Variants in TMC2 observed in about 807,000 individuals in gnomAD.
TMC2 encodes transmembrane channel like 2.
Under a neutral mutation model 105.9 loss-of-function variants are expected in TMC2, and 102 were observed. That is an observed-to-expected ratio of 0.96 (90% confidence interval 0.82 to 1.14). The LOEUF is 1.14. Ranked by LOEUF, TMC2 falls within the 50% of genes most tolerant of loss-of-function variation. The probability of loss-of-function intolerance (pLI) is 0.00; values close to 1 mark genes in which losing one functional copy is unlikely to be tolerated. For missense variants in TMC2, 1,093 were observed against 1,134.3 expected (o/e 0.96, Z 0.52); for synonymous variants, 402 against 422.8 (o/e 0.95, Z 0.60).
chr20:2,550,551 C>G (rs1037880772), intron 2 of TMC2, among the ~76,000 whole-genome samples: 1 of 152,232 alleles, frequency 6.6e-6, no homozygotes, highest in East Asian at 1.9e-4. Flanking sequence ...TAGGTTTTGA[C>G]AAATGCATAA....
At chr20:2,572,097 CAT>C (rs2086107417) in intron 4 of TMC2, 80 bp from the exon 5 acceptor site, 1 of 1,019,558 alleles carries the variant, frequency 9.8e-7, no homozygotes. Flanking sequence ...AGCCTTCACA[CAT>C]GTGTTTGAGG....
chr20:2,629,161 T>C (rs2086585563), intron 17 of TMC2, among the ~76,000 whole-genome samples: 1 of 152,208 alleles, frequency 6.6e-6, no homozygotes, highest in African/African-American at 2.4e-5. Flanking sequence ...TCATATTTAC[T>C]CAACCAAAGT....
At chr20:2,537,962 C>T (rs908318554) in intron 2 of TMC2, among the ~76,000 whole-genome samples, 8 of 152,134 alleles carry the variant, frequency 5.3e-5, no homozygotes, top group South Asian at 2.1e-4. Flanking sequence ...CTGGGTCCTG[C>T]GCCCCACACT....
In TMC2 at chr20:2,624,311, G is replaced by GA; in HGVS notation, c.2225dup (p.Asn742LysfsTer45). 1 of 1,614,154 alleles carries GA rather than the reference G, an allele frequency of 6.2e-7. No homozygotes were observed. Among genetic ancestry groups the GA allele is most frequent in the Non-Finnish European group, 8.5e-7 (1 of 1,180,010 alleles). Reference sequence around the variant, plus strand: ...GTACGATGTCCTCCAAGAGACCATTGAAAACGATTTCCCAACCTTCCTGGG... The same window carrying GA: ...GTACGATGTCCTCCAAGAGACCATTGAAAAACGATTTCCCAACCTTCCTGGG... On this transcript the variant is annotated frameshift_variant, in exon 17 of 20. Coordinates refer to ENST00000358864, the MANE Select transcript of TMC2 (RefSeq NM_080751.3). LOFTEE classifies it high-confidence loss of function.
At chr20:2,577,117 A>T (rs1385752843) in intron 5 of TMC2, among the ~76,000 whole-genome samples, 1 of 151,764 alleles carries the variant, frequency 6.6e-6, no homozygotes, top group Non-Finnish European at 1.5e-5. Flanking sequence ...CATGTTGGCC[A>T]GGCTGGTCTT....
chr20:2,558,725 A>G lies in TMC2; in HGVS notation c.352A>G (p.Lys118Glu). Residue 118 changes from lysine to glutamate, a missense_variant, in exon 3 of 20, where the codon AAG becomes GAG. Transcript: ENST00000358864. The surrounding 1 kb of genome is among the most constrained non-coding windows in gnomAD (Gnocchi z 4.6). ...GCGGACAGCAGCCCCAAAGAGGGAA[A>G]AGGAGATTCCGAGGAGGGAGGAGAA... ...QERTAAPKRE[K>E]EIPRREEKSK... The G allele has an allele frequency of 6.3e-7, 1 of 1,590,170 alleles. No individual in the cohort carries two copies. The highest frequency in any genetic ancestry group is 8.6e-7 in the Non-Finnish European group (1 of 1,168,646).
At chr20:2,603,334 T>C (rs940416280) in intron 11 of TMC2, among the ~76,000 whole-genome samples, 1 of 152,052 alleles carries the variant, frequency 6.6e-6, no homozygotes, top group Non-Finnish European at 1.5e-5. Context: ...ACAGCCTATC[T>C]TCCCCCAACA....
At position 2,616,103 on chromosome 20, in the gene TMC2, C is replaced by CTG. The variant is rs2086478991; in HGVS notation, c.1873-33_1873-32insGT. 1.1e-6 allele frequency: 1 copy of CTG among 922,524 alleles called. No individual in the cohort carries two copies. The highest frequency in any genetic ancestry group is 1.5e-6 in the Non-Finnish European group (1 of 653,578). The allele number at this position is 922,524 out of a possible 1,614,324, so 57.1% of individuals were successfully genotyped here. ...ATTCACCAAACGTGCTTTTTTTTTT[C>CTG]TCTCTCTCTCTCGCTCCCTCCCTCC... On this transcript the variant is annotated intron_variant, in intron 14 of 19. Transcript: ENST00000358864. This position sits in a 1 kb window ranked among gnomAD's most constrained non-coding sequence, Gnocchi z 4.8.
At chr20:2,571,958 G>T (rs912502157) in intron 4 of TMC2, among the ~76,000 whole-genome samples, 2 of 152,250 alleles carry the variant, frequency 1.3e-5, no homozygotes, top group African/African-American at 4.8e-5. Context: ...AGGGGCCACA[G>T]TTCTGCCTAC....
At chr20:2,636,492 ACG>A (rs1491368328) in intron 18 of TMC2, among the ~76,000 whole-genome samples, 3 of 148,086 alleles carry the variant, frequency 2.0e-5, no homozygotes, top group Non-Finnish European at 4.5e-5. Flanking sequence ...ACACACACAC[ACG>A]CACACACCCT....
intron 12 of TMC2, among the ~76,000 whole-genome samples, chr20:2,610,821 T>G (rs2086432498): frequency 6.6e-6 from 1 of 152,212 alleles, no homozygotes; most frequent in Non-Finnish European, 1.5e-5. Context: ...TTGTCTTTTT[T>G]CACATCATAT....
Position 2,558,321 on chromosome 20 carries a change from G to T in TMC2, c.83-135G>T, listed in dbSNP as rs188202730. 2,292 of 1,459,694 alleles carry T rather than the reference G, an allele frequency of 1.6e-3. 15 individuals are homozygous for T. Among genetic ancestry groups the T allele is most frequent in the Middle Eastern group, 0.012 (47 of 3,948 alleles). 90.4% of individuals were successfully genotyped at this position (1,459,694 alleles called of 1,614,324 possible). A position where few individuals can be genotyped will look rare whatever the true frequency, so the allele number is the denominator to read the frequency against. The stretch of plus-strand genomic sequence containing the variant: ...AACATGCCAAGGTGCCATACTTTGG[G>T]GTGTCCTGTTCTGAGCCCCGCAGAG... On this transcript the variant is annotated intron_variant, in intron 2 of 19. Transcript: ENST00000358864. This position sits in a 1 kb window ranked among gnomAD's most constrained non-coding sequence, Gnocchi z 4.6.
In TMC2 at chr20:2,616,107, C is replaced by G. The variant is rs746441299; in HGVS notation, c.1873-30C>G. Reference sequence around the variant, plus strand: ...ACCAAACGTGCTTTTTTTTTTCTCTCTCTCTCTCGCTCCCTCCCTCCCTCT... The same window carrying G: ...ACCAAACGTGCTTTTTTTTTTCTCTGTCTCTCTCGCTCCCTCCCTCCCTCT... On this transcript the variant is annotated intron_variant, in intron 14 of 19. Coordinates refer to ENST00000358864, the MANE Select transcript of TMC2 (RefSeq NM_080751.3). This position sits in a 1 kb window ranked among gnomAD's most constrained non-coding sequence, Gnocchi z 4.8. 8 of 1,566,638 alleles carry G rather than the reference C, an allele frequency of 5.1e-6. No homozygotes were observed. The highest frequency in any genetic ancestry group is 1.1e-5 in the South Asian group (1 of 88,098).
intron 4 of TMC2, 145 bp downstream of exon 4, chr20:2,562,155 G>A (rs2086031522): frequency 9.5e-7 from 1 of 1,048,354 alleles, no homozygotes; most frequent in Non-Finnish European, 1.3e-6. Flanking sequence ...AGCCCCATGA[G>A]AGCCAAGGCG....
chr20:2,624,144 G>T (rs2086546975), intron 16 of TMC2, 127 bp from the exon 17 acceptor site: 2 of 1,073,692 alleles, frequency 1.9e-6, no homozygotes, highest in Non-Finnish European at 2.7e-6. Context: ...TTGGAGCAGA[G>T]CTCTGGTTCT....
chr20:2,589,370 AG>A (rs2086253684), intron 7 of TMC2, among the ~76,000 whole-genome samples: 1 of 144,998 alleles, frequency 6.9e-6, no homozygotes, highest in African/African-American at 2.6e-5. Context: ...TGAACTCCTG[AG>A]CTCAAGCGAT....
chr20:2,540,719 T>C (rs1289376451), intron 2 of TMC2, among the ~76,000 whole-genome samples: 1 of 150,562 alleles, frequency 6.6e-6, no homozygotes, highest in Admixed American at 6.6e-5. Flanking sequence ...GTTTGGTGCC[T>C]CTTTTTGCCT....
chr20:2,626,998 G>A (rs112564057), intron 17 of TMC2, among the ~76,000 whole-genome samples: 31 of 152,302 alleles, frequency 2.0e-4, no homozygotes, highest in African/African-American at 7.2e-4. Context: ...CGATTGGTCA[G>A]CTGTTTGATT....
chr20:2,559,164 G>A (rs187298186), intron 3 of TMC2, among the ~76,000 whole-genome samples: 2 of 152,196 alleles, frequency 1.3e-5, no homozygotes, highest in Admixed American at 1.3e-4. Flanking sequence ...AGGAGGAGCT[G>A]AGCGACATGA....
Sources: allele counts gnomAD v4.1 joint callset (sites outside exome capture counted in the v4.1 genomes callset), GRCh38; gene constraint gnomAD v4.1.1; non-coding constraint Gnocchi (gnomAD v3.1); transcripts MANE v1.5; gene names NCBI Gene and HGNC (gene_info 2026-07-23, HGNC 2026-07-21).